Variants in SFTPD observed in about 807,000 individuals in gnomAD.
SFTPD encodes pulmonary surfactant-associated protein D.
SFTPD carries 18 observed loss-of-function variants against 34.6 expected under a neutral mutation model. The observed-to-expected ratio is 0.52, with a 90% CI of 0.36 to 0.77. SFTPD has a LOEUF of 0.77. SFTPD is among the 30% of genes least tolerant of loss of function. The pLI, the probability that SFTPD is intolerant of heterozygous loss-of-function variation, is 0.00. For synonymous variants in SFTPD, 155 were observed against 180.9 expected (o/e 0.86, Z 1.15); for missense variants, 433 against 468.9 (o/e 0.92, Z 0.71).
At chr10:79,966,758 G>A (rs1224628894) in intron 1 of SFTPD, among the ~76,000 whole-genome samples, 1 of 143,902 alleles carries the variant, frequency 6.9e-6, no homozygotes, top group African/African-American at 2.7e-5. Context: ...ATTGATTTTT[G>A]TATAAGGTGT....
At chr10:79,969,126 A>G (rs2758548) in intron 1 of SFTPD, 151,730 of 152,088 alleles carry the variant, frequency 1, 75,686 homozygotes, top group Middle Eastern at 1. Context: ...ATCACCTGAG[A>G]TCAGGAGTTC....
At chr10:79,947,066 C>A (rs2132502472) in intron 1 of SFTPD, among the ~76,000 whole-genome samples, 1 of 152,382 alleles carries the variant, frequency 6.6e-6, no homozygotes, top group African/African-American at 2.4e-5. Flanking sequence ...GACCATCTCC[C>A]TGTCTGTACC....
chr10:79,939,469 T>C (rs909465527), intron 7 of SFTPD, among the ~76,000 whole-genome samples: 1 of 152,254 alleles, frequency 6.6e-6, no homozygotes, highest in East Asian at 1.9e-4. Flanking sequence ...TATGTGCATC[T>C]ACCCAAAGGT....
intron 1 of SFTPD, chr10:79,972,569 C>A (rs1235457277): frequency 1.3e-5 from 2 of 152,144 alleles, no homozygotes; most frequent in Non-Finnish European, 2.9e-5. Context: ...GTGGATAGCA[C>A]CTAACTTCCA....
chr10:79,944,501 C>A (rs1050634001), intron 2 of SFTPD, among the ~76,000 whole-genome samples: 5 of 151,968 alleles, frequency 3.3e-5, no homozygotes, highest in African/African-American at 1.2e-4. Flanking sequence ...AATGGCAAGC[C>A]CCTAAAGAGG....
At chr10:79,953,113 A>T (rs531346492), upstream of SFTPD, among the ~76,000 whole-genome samples, 4 of 152,354 alleles carry the variant, frequency 2.6e-5, no homozygotes, top group Admixed American at 2.0e-4. Context: ...TGATTATTCA[A>T]CTGCAATTTT....
intron 1 of SFTPD, chr10:79,968,155 A>T (rs995296710): frequency 6.6e-6 from 1 of 152,206 alleles, no homozygotes; most frequent in Non-Finnish European, 1.5e-5. Context: ...AACCTCAAAT[A>T]GTTATGATTT....
intron 1 of SFTPD, among the ~76,000 whole-genome samples, chr10:79,947,161 G>A (rs1291148786): frequency 6.6e-6 from 1 of 152,266 alleles, no homozygotes; most frequent in Non-Finnish European, 1.5e-5. Context: ...GGTGCTGATA[G>A]TGCTGGTCTG....
intron 1 of SFTPD, among the ~76,000 whole-genome samples, chr10:79,978,085 C>G (rs1452087996): frequency 6.6e-6 from 1 of 151,968 alleles, no homozygotes; most frequent in Non-Finnish European, 1.5e-5. Flanking sequence ...CATTTTTTGC[C>G]TTTTGGTTTT....
chr10:79,947,460 C>T (rs960735118), intron 1 of SFTPD, among the ~76,000 whole-genome samples: 3 of 152,132 alleles, frequency 2.0e-5, no homozygotes, highest in African/African-American at 4.8e-5. Flanking sequence ...GAGGCCGAGG[C>T]GGGCAGATCA....
At chr10:79,940,842 C>G in intron 6 of SFTPD, 54 bp from the exon 7 acceptor site, 1 of 1,225,942 alleles carries the variant, frequency 8.2e-7, no homozygotes, top group South Asian at 1.2e-5. Context: ...GAAGGAAGAG[C>G]TCAGAGTCTG....
rs140093744 is a variant in SFTPD at position 79,974,396 on chromosome 10, G to A, written c.36+8179C>T. Among the ~76,000 whole-genome samples, 336 of 151,704 alleles carry A rather than the reference G, an allele frequency of 2.2e-3. 2 individuals are homozygous for A. Among genetic ancestry groups the A allele is most frequent in the African/African-American group, 7.6e-3 (313 of 41,314 alleles). Reference sequence around the variant, plus strand: ...GATCTCCTGACCTCATGATCTGCCCGCCTCAGCCTCCCAAAGTTTTGGGAT... The same window carrying A: ...GATCTCCTGACCTCATGATCTGCCCACCTCAGCCTCCCAAAGTTTTGGGAT... On this transcript the variant is annotated intron_variant, in intron 1 of 5. Transcript: ENST00000444384.
intron 1 of SFTPD, among the ~76,000 whole-genome samples, chr10:79,966,477 A>G (rs1842803803): frequency 9.0e-6 from 1 of 110,644 alleles, no homozygotes; most frequent in African/African-American, 4.4e-5. Context: ...TAGATTGTGG[A>G]TATTAGCCCT....
chr10:79,962,022 T>C (rs1474059480), intron 1 of SFTPD, among the ~76,000 whole-genome samples: 1 of 145,290 alleles, frequency 6.9e-6, no homozygotes, highest in Non-Finnish European at 1.5e-5. Flanking sequence ...GAAACCATCA[T>C]TCTCAGCAAA....
upstream of SFTPD, among the ~76,000 whole-genome samples, chr10:79,952,751 G>T (rs1264861927): frequency 6.6e-6 from 1 of 152,130 alleles, no homozygotes; most frequent in Non-Finnish European, 1.5e-5. Flanking sequence ...CCCACAATGG[G>T]TGCATAACCA....
chr10:79,979,884 G>GA (rs1034342474), intron 1 of SFTPD, among the ~76,000 whole-genome samples: 23 of 152,084 alleles, frequency 1.5e-4, no homozygotes, highest in African/African-American at 5.1e-4. Context: ...AAATGTGGGA[G>GA]AAAAAAGAGT....
intron 2 of SFTPD, among the ~76,000 whole-genome samples, chr10:79,944,510 G>GGGA (rs888943431): frequency 7.2e-5 from 11 of 152,110 alleles, no homozygotes; most frequent in African/African-American, 2.7e-4. Context: ...CCCCTAAAGA[G>GGGA]GGAGGAGGCT....
In SFTPD at chr10:79,938,021, G is replaced by A. The variant is rs898817112; in HGVS notation, c.959C>T (p.Thr320Ile). 6.2e-7 allele frequency: 1 copy of A among 1,613,872 alleles called. No individual in the cohort carries two copies. Among genetic ancestry groups the A allele is most frequent in the African/African-American group, 1.3e-5 (1 of 74,916 alleles). ...AAFLSMTDSK[T>I]EGKFTYPTGE... The stretch of plus-strand genomic sequence containing the variant: ...TGTGGGGTAGGTGAACTTGCCCTCT[G>A]TCTTGGAATCAGTCATGCTCAGGAA... The change falls in exon 8 of 8, where the codon ACA (threonine) becomes ATA (isoleucine). Residue 320 changes from threonine to isoleucine, a missense_variant. Physicochemically the swap from Thr to Ile is moderately conservative, Grantham distance 89. Coordinates refer to ENST00000372292, the MANE Select transcript of SFTPD (RefSeq NM_003019.5).
At chr10:79,958,560 A>G (rs1408193171) in intron 1 of SFTPD, among the ~76,000 whole-genome samples, 2 of 152,248 alleles carry the variant, frequency 1.3e-5, no homozygotes, top group African/African-American at 2.4e-5. Context: ...CCATGACATC[A>G]TGGTAAAGGG....
Sources: allele counts gnomAD v4.1 joint callset (sites outside exome capture counted in the v4.1 genomes callset), GRCh38; gene constraint gnomAD v4.1.1; transcripts MANE v1.5; gene names NCBI Gene and HGNC (gene_info 2026-07-23, HGNC 2026-07-21).